The following ST6GALNAC3 variants were observed in gnomAD, a reference collection of about 807,000 sequenced individuals.
The protein encoded by ST6GALNAC3 is alpha-N-acetylgalactosaminide alpha-2,6-sialyltransferase 3.
In ST6GALNAC3, 25 loss-of-function variants were observed where a neutral mutation model predicts 32.7. That is an observed-to-expected ratio of 0.76 (90% confidence interval 0.56 to 1.07). The LOEUF is 1.07. Ranked by LOEUF, ST6GALNAC3 falls within the 50% of genes least tolerant of loss-of-function variation. The pLI is 0.00. For missense variants in ST6GALNAC3, 355 were observed against 382.4 expected (o/e 0.93, Z 0.60); for synonymous variants, 129 against 133.1 (o/e 0.97, Z 0.21).
chr1:76,411,455 CTG>C (rs1037920614), intron 2 of ST6GALNAC3, among the ~76,000 whole-genome samples: 81 of 152,090 alleles, frequency 5.3e-4, no homozygotes, highest in African/African-American at 1.7e-3. Flanking sequence ...TGAAGGGTCT[CTG>C]TAATATTTCT....
intron 3 of ST6GALNAC3, among the ~76,000 whole-genome samples, chr1:76,552,965 A>AT (rs1192090101): frequency 6.6e-6 from 1 of 152,146 alleles, no homozygotes; most frequent in Admixed American, 6.5e-5. Context: ...TTCATGAAAT[A>AT]TTTTTTGGAG....
chr1:76,434,722 A>T (rs956290207), intron 3 of ST6GALNAC3, among the ~76,000 whole-genome samples: 5 of 149,060 alleles, frequency 3.4e-5, no homozygotes, highest in Admixed American at 1.3e-4. Flanking sequence ...TGATATTTGT[A>T]TGCATCTGCT....
At position 76,509,276 on chromosome 1, in the gene ST6GALNAC3, A is replaced by G. The variant is rs1412164582; in HGVS notation, c.623+96859A>G. 1.3e-5 allele frequency among the ~76,000 whole-genome samples: 2 copies of G among 152,202 alleles called. No individual in the cohort carries two copies. Among genetic ancestry groups the G allele is most frequent in the African/African-American group, 4.8e-5 (2 of 41,458 alleles). ...GGGCAGCAGGCAGTGAGTAGTTGTTACCTAATTTGCATTCAAAGAATGGTT... is the reference window on the plus strand; with the variant it reads ...GGGCAGCAGGCAGTGAGTAGTTGTTGCCTAATTTGCATTCAAAGAATGGTT... On this transcript the variant is annotated intron_variant, in intron 3 of 4. Transcript: ENST00000328299. This position sits in a 1 kb window ranked among gnomAD's most constrained non-coding sequence, Gnocchi z 5.5.
chr1:76,210,757 A>AT (rs965029409), intron 1 of ST6GALNAC3, among the ~76,000 whole-genome samples: 2 of 151,664 alleles, frequency 1.3e-5, no homozygotes, highest in Non-Finnish European at 2.9e-5. Context: ...CCTCTTATTT[A>AT]TTTTTTTGAG....
At position 76,462,979 on chromosome 1, in the gene ST6GALNAC3, C is replaced by T. The variant is rs185464894; in HGVS notation, c.623+50562C>T. 3.7e-3 allele frequency among the ~76,000 whole-genome samples: 564 copies of T among 152,110 alleles called. 9 individuals carry two copies. Among genetic ancestry groups the T allele is most frequent in the Non-Finnish European group, 1.0e-3 (68 of 67,986 alleles). On this transcript the variant is annotated intron_variant, in intron 3 of 4. Coordinates refer to ENST00000328299, the MANE Select transcript of ST6GALNAC3 (RefSeq NM_152996.4). ...TCCTAAATGACGTCCCAGTGTGTGACTTGTGGTCAAACACCCCTTGCTCTG... is the reference window on the plus strand; with the variant it reads ...TCCTAAATGACGTCCCAGTGTGTGATTTGTGGTCAAACACCCCTTGCTCTG...
chr1:76,232,819 G>T (rs1656443312), intron 1 of ST6GALNAC3, among the ~76,000 whole-genome samples: 1 of 152,192 alleles, frequency 6.6e-6, no homozygotes. Context: ...TGGTTTGCAG[G>T]AGCCGGTCAA....
chr1:76,201,970 G>A (rs1654544181), intron 1 of ST6GALNAC3, among the ~76,000 whole-genome samples: 1 of 152,090 alleles, frequency 6.6e-6, no homozygotes, highest in South Asian at 2.1e-4. Context: ...AAGCCTCTGG[G>A]AGCATTGACT....
chr1:76,463,289 A>T (rs569212759), intron 3 of ST6GALNAC3, among the ~76,000 whole-genome samples: 1 of 152,300 alleles, frequency 6.6e-6, no homozygotes, highest in African/African-American at 2.4e-5. Context: ...GGCTACATTT[A>T]TATCAGTCAG....
rs1570277449 is a variant in ST6GALNAC3, at chr1:76,562,109, A to G, written c.624-65343A>G. 2.0e-5 allele frequency among the ~76,000 whole-genome samples: 3 copies of G among 152,282 alleles called. No individual in the cohort carries two copies. In the South Asian group the frequency reaches 6.2e-4, roughly 32 times the overall value. On this transcript the variant is annotated intron_variant, in intron 3 of 4. Transcript: ENST00000328299. ...GGACAAGGGAGTAGGAGCAGGAATA[A>G]GAAATGACCATAAATGGGGACAGTG...
chr1:76,547,207 G>A (rs962665814), intron 3 of ST6GALNAC3, among the ~76,000 whole-genome samples: 2 of 152,148 alleles, frequency 1.3e-5, no homozygotes, highest in African/African-American at 4.8e-5. Context: ...AATAACTTTT[G>A]TTTGCCAAAA....
intron 1 of ST6GALNAC3, among the ~76,000 whole-genome samples, chr1:76,213,756 C>A (rs1197189280): frequency 6.6e-6 from 1 of 152,166 alleles, no homozygotes; most frequent in Admixed American, 6.5e-5. Context: ...AGGAGACTGC[C>A]TTGCCTGGGC....
At chr1:76,610,176 A>G (rs1409409503) in intron 3 of ST6GALNAC3, among the ~76,000 whole-genome samples, 1 of 152,170 alleles carries the variant, frequency 6.6e-6, no homozygotes, top group African/African-American at 2.4e-5. Flanking sequence ...TTAATTTGAA[A>G]TATTTTCTAC....
intron 1 of ST6GALNAC3, among the ~76,000 whole-genome samples, chr1:76,289,133 T>A (rs916920278): frequency 6.6e-6 from 1 of 152,242 alleles, no homozygotes; most frequent in Non-Finnish European, 1.5e-5. Context: ...TTACTTACAC[T>A]TTGGTGTGTT....
intron 1 of ST6GALNAC3, among the ~76,000 whole-genome samples, chr1:76,093,996 T>C (rs1037508429): frequency 3.3e-5 from 5 of 152,204 alleles, no homozygotes; most frequent in African/African-American, 1.2e-4. Flanking sequence ...TGTTAATCTG[T>C]CTTTTATTAC....
intron 2 of ST6GALNAC3, among the ~76,000 whole-genome samples, chr1:76,393,335 C>T (rs572373513): frequency 6.6e-6 from 1 of 152,070 alleles, no homozygotes; most frequent in Non-Finnish European, 1.5e-5. Context: ...GATCATGATT[C>T]TTATGGAAGG....
chr1:76,617,132 T>C (rs1034179553), intron 3 of ST6GALNAC3, among the ~76,000 whole-genome samples: 6 of 152,186 alleles, frequency 3.9e-5, no homozygotes, highest in Admixed American at 3.3e-4. Flanking sequence ...ATTTTAAATG[T>C]AAATTTTCAT....
intron 3 of ST6GALNAC3, among the ~76,000 whole-genome samples, chr1:76,476,034 C>T (rs1659333542): frequency 1.3e-5 from 2 of 152,130 alleles, no homozygotes. Flanking sequence ...TGAACTCATC[C>T]TTTTTTATGG....
chr1:76,263,475 A>G (rs556743025), intron 1 of ST6GALNAC3, among the ~76,000 whole-genome samples: 85 of 152,230 alleles, frequency 5.6e-4, no homozygotes, highest in Admixed American at 1.2e-3. Context: ...CCCTACCCCA[A>G]TTCTTGTGTT....
chr1:76,602,947 G>T (rs1647302563), intron 3 of ST6GALNAC3, among the ~76,000 whole-genome samples: 1 of 152,130 alleles, frequency 6.6e-6, no homozygotes, highest in East Asian at 1.9e-4. Context: ...TTTCACAGAA[G>T]AAGAAACATG....
Sources: gnomAD v4.1 joint callset for allele counts (sites outside exome capture counted in the v4.1 genomes callset) on GRCh38, gnomAD v4.1.1 for gene constraint, Gnocchi (gnomAD v3.1) non-coding constraint, MANE v1.5 for transcripts, NCBI Gene and HGNC (gene_info 2026-07-23, HGNC 2026-07-21) for gene names.